Variants in CDRT4 observed in about 807,000 individuals in gnomAD.
The protein encoded by CDRT4 is CMT1A duplicated region transcript 4 protein.
For missense variants in CDRT4, 167 were observed against 193.1 expected (o/e 0.87, Z 0.80); for synonymous variants, 64 against 69.6 (o/e 0.92, Z 0.40).
rs1228078410 is a variant in CDRT4 at position 15,450,739 on chromosome 17, C to T, written c.-48+2265G>A. ...ACATCTTTATTTGTATATCTAATAA[C>T]CTCTCAAACTTTTCATGGTTCAAAC... On this transcript the variant is annotated intron_variant, in intron 2 of 3. Transcript: ENST00000619038. This position sits in a 1 kb window ranked among gnomAD's most constrained non-coding sequence, Gnocchi z 4.2. Among the ~76,000 whole-genome samples the T allele has an allele frequency of 6.6e-6, 1 of 152,084 alleles. No homozygotes were observed. Among genetic ancestry groups the T allele is most frequent in the Admixed American group, 6.5e-5 (1 of 15,276 alleles).
intron 1 of CDRT4, among the ~76,000 whole-genome samples, chr17:15,465,070 A>G (rs1979943789): frequency 6.7e-6 from 1 of 149,082 alleles, no homozygotes; most frequent in South Asian, 2.2e-4. Context: ...CAACACAGAC[A>G]CACACCAATA....
At chr17:15,465,240 C>CGG (rs1979965554) in intron 1 of CDRT4, among the ~76,000 whole-genome samples, 1 of 121,244 alleles carries the variant, frequency 8.2e-6, no homozygotes. Context: ...ACACACACAA[C>CGG]AGACACACAC....
At position 15,440,225 on chromosome 17, in the gene CDRT4, C is replaced by T. The variant is rs747353508; in HGVS notation, c.14G>A (p.Arg5Lys). MDAR[R>K]MKKEEGLTEN... ...AACCCTACCTTCTTCTTTCTTCATC[C>T]TTCTTGCATCCATCTTCTTTTTAAT... is the stretch of plus-strand genomic sequence containing the variant. Residue 5 changes from arginine (R) to lysine (K), a missense_variant, in exon 3 of 4, where the codon AGG (arginine) becomes AAG (lysine). Arg to Lys is a conservative substitution (Grantham distance 26). Transcript: ENST00000619038. The T allele has an allele frequency of 2.9e-5, 47 of 1,613,760 alleles. No individual in the cohort carries two copies. In the South Asian group the frequency reaches 4.5e-4, roughly 15 times the overall value.
Position 15,464,489 on chromosome 17 carries a change from A to T in CDRT4, c.-130+2971T>A, listed in dbSNP as rs886430313. Among the ~76,000 whole-genome samples the T allele has an allele frequency of 1.1e-4, 17 of 152,080 alleles. No individual in the cohort carries two copies. Among genetic ancestry groups the T allele is most frequent in the African/African-American group, 3.6e-4 (15 of 41,484 alleles). On this transcript the variant is annotated intron_variant, in intron 1 of 3. Coordinates refer to ENST00000619038, the MANE Select transcript of CDRT4 (RefSeq NM_001204477.2). This position sits in a 1 kb window ranked among gnomAD's most constrained non-coding sequence, Gnocchi z 4.5. ...TTGCTAGTTGGAGCTGATTCCTGAG[A>T]GGCAGCACTAGATGCTGGGCATTAG...
At position 15,439,012 on chromosome 17, in the gene CDRT4, T is replaced by C. The variant is rs143452808; in HGVS notation, c.32-812A>G. ...CGAGGGGGGTGGGTGTTGCTAGAAA[T>C]TCAACGCATTAGTTTATCAAGCAGC... On this transcript the variant is annotated intron_variant, in intron 3 of 3. Coordinates refer to ENST00000619038, the MANE Select transcript of CDRT4 (RefSeq NM_001204477.2). 605 of 399,396 alleles carry C rather than the reference T, an allele frequency of 1.5e-3. 2 individuals carry two copies. Among genetic ancestry groups the C allele is most frequent in the African/African-American group, 0.011 (551 of 47,966 alleles). 24.7% of individuals were successfully genotyped at this position (399,396 alleles called of 1,614,324 possible).
intron 3 of CDRT4, among the ~76,000 whole-genome samples, chr17:15,439,314 G>A (rs918812891): frequency 6.6e-6 from 1 of 152,124 alleles, no homozygotes; most frequent in African/African-American, 2.4e-5. Context: ...CAAGTGAAGT[G>A]TAGGTCGTAT....
chr17:15,455,602 C>T (rs1029095584), intron 1 of CDRT4, among the ~76,000 whole-genome samples: 9 of 152,204 alleles, frequency 5.9e-5, no homozygotes, highest in African/African-American at 2.2e-4. Context: ...CCATCTTGAG[C>T]ACTCTCTTAC....
intron 1 of CDRT4, among the ~76,000 whole-genome samples, chr17:15,453,631 C>A (rs1979358518): frequency 6.6e-6 from 1 of 152,110 alleles, no homozygotes; most frequent in Non-Finnish European, 1.5e-5. Context: ...TGAGGTTCTG[C>A]AATATTATTG....
In CDRT4 at chr17:15,438,081, C is replaced by T. The variant is rs1490390474; in HGVS notation, c.151G>A (p.Glu51Lys). The T allele has an allele frequency of 6.2e-7, 1 of 1,614,120 alleles. No individual in the cohort carries two copies. The highest frequency in any genetic ancestry group is 8.5e-7 in the Non-Finnish European group (1 of 1,180,032). Residue 51 changes from glutamate to lysine, a missense_variant, in exon 4 of 4, where the codon GAA becomes AAA. Transcript: ENST00000619038. ...KRLIEKSKTR[E>K]LECMRALEER... The stretch of plus-strand genomic sequence containing the variant: ...TCGAGGGCACGCATGCATTCCAGTT[C>T]TCTAGTTTTGCTTTTCTCAATGAGT...
chr17:15,457,933 G>A (rs1440403028), intron 1 of CDRT4, among the ~76,000 whole-genome samples: 1 of 152,220 alleles, frequency 6.6e-6, no homozygotes, highest in African/African-American at 2.4e-5. Flanking sequence ...GTGTGCAAAG[G>A]CCGCTGAACT....
chr17:15,453,368 G>A (rs1464982442), intron 1 of CDRT4, among the ~76,000 whole-genome samples: 5 of 152,206 alleles, frequency 3.3e-5, no homozygotes, highest in Non-Finnish European at 5.9e-5. Flanking sequence ...GAAAATATGT[G>A]TGGGTAACAT....
intron 1 of CDRT4, among the ~76,000 whole-genome samples, chr17:15,461,535 C>G (rs907025832): frequency 2.6e-5 from 4 of 152,194 alleles, no homozygotes; most frequent in Admixed American, 6.5e-5. Context: ...ACCTAGAGAG[C>G]CTTTTAAAGC....
intron 2 of CDRT4, among the ~76,000 whole-genome samples, chr17:15,448,599 T>C (rs1979130328): frequency 6.6e-6 from 1 of 152,180 alleles, no homozygotes; most frequent in South Asian, 2.1e-4. Context: ...CAGGTCATCA[T>C]CAGGAGACGC....
chr17:15,449,201 G>A (rs2906980), intron 2 of CDRT4, among the ~76,000 whole-genome samples: 23,632 of 152,204 alleles, frequency 0.16, 3,243 homozygotes, highest in East Asian at 0.48. Flanking sequence ...TGGAGTAACA[G>A]CTAACATTTC....
At chr17:15,463,660 C>T (rs1311622833) in intron 1 of CDRT4, among the ~76,000 whole-genome samples, 1 of 152,170 alleles carries the variant, frequency 6.6e-6, no homozygotes, top group Non-Finnish European at 1.5e-5. Context: ...TGAAGCTGCT[C>T]CCAGCTGCCC....
intron 1 of CDRT4, among the ~76,000 whole-genome samples, chr17:15,463,260 C>T (rs1049779495): frequency 6.6e-6 from 1 of 151,838 alleles, no homozygotes; most frequent in Admixed American, 6.6e-5. Context: ...ATCACTGGGC[C>T]GGGGTGGAGA....
intron 2 of CDRT4, among the ~76,000 whole-genome samples, chr17:15,446,691 TC>T (rs1979043514): frequency 6.6e-6 from 1 of 152,060 alleles, no homozygotes; most frequent in Admixed American, 6.5e-5. Context: ...TTCTGGTGGA[TC>T]AGCTGTCTCT....
At chr17:15,451,897 A>G (rs1213363194) in intron 2 of CDRT4, among the ~76,000 whole-genome samples, 1 of 152,240 alleles carries the variant, frequency 6.6e-6, no homozygotes, top group Non-Finnish European at 1.5e-5. Context: ...GCCACATGAC[A>G]GCGATGATCT....
chr17:15,462,733 G>A (rs1422967280), intron 1 of CDRT4, among the ~76,000 whole-genome samples: 1 of 152,128 alleles, frequency 6.6e-6, no homozygotes, highest in Non-Finnish European at 1.5e-5. Context: ...GCAAAATATA[G>A]GGTTTAGAAA....
Sources: gnomAD v4.1 joint callset for allele counts (sites outside exome capture counted in the v4.1 genomes callset) on GRCh38, gnomAD v4.1.1 for gene constraint, Gnocchi (gnomAD v3.1) non-coding constraint, MANE v1.5 for transcripts, NCBI Gene and HGNC (gene_info 2026-07-23, HGNC 2026-07-21) for gene names.